KRT39: variants seen among roughly 807,000 people sequenced by gnomAD.
KRT39 encodes the protein keratin 39, also known as keratin, type I cytoskeletal 39.
A neutral mutation model predicts 54.8 loss-of-function variants in KRT39; 47 were observed. The ratio of observed to expected loss-of-function variants is 0.86; its 90% CI spans 0.68 to 1.09. The LOEUF is 1.09. Among genes scored for constraint, KRT39 ranks in the 50% least tolerant of loss-of-function variants. KRT39 has a pLI of 0.00. For synonymous variants in KRT39, 207 were observed against 227.9 expected (o/e 0.91, Z 0.83); for missense variants, 580 against 598.5 (o/e 0.97, Z 0.32).
rs202225236 is a variant in KRT39, at chr17:40,962,543, A to G, written c.729T>C (p.Cys243=). Residue 243 remains cysteine, a synonymous_variant, in exon 4 of 7, where the codon TGT becomes TGC. Coordinates refer to ENST00000355612, the MANE Select transcript of KRT39 (RefSeq NM_213656.4). ...CAATGTCAAGTCTCTCCCCAAGCTGACACTGTAAAGAATTGATTTCCTAAG... is the reference window on the plus strand; with the variant it reads ...CAATGTCAAGTCTCTCCCCAAGCTGGCACTGTAAAGAATTGATTTCCTAAG... ...NHKEEINSLQ[C]QLGERLDIEV... 136 of 1,613,718 alleles carry G rather than the reference A, an allele frequency of 8.4e-5. No homozygotes were observed. Among genetic ancestry groups the G allele is most frequent in the Middle Eastern group, 8.3e-4 (5 of 6,060 alleles).
intron 1 of KRT39, among the ~76,000 whole-genome samples, chr17:40,965,195 C>T (rs1911332382): frequency 7.2e-6 from 1 of 138,814 alleles, no homozygotes; most frequent in Admixed American, 7.1e-5. Flanking sequence ...CAGAGCGAGA[C>T]TCCGTCTCAA....
chr17:40,961,700 A>C (rs1033815033), intron 5 of KRT39, among the ~76,000 whole-genome samples: 7 of 152,174 alleles, frequency 4.6e-5, no homozygotes, highest in African/African-American at 1.7e-4. Context: ...TTGGAGCCTC[A>C]TCTGTAACAT....
rs779733395 is a variant in KRT39 at position 40,966,621 on chromosome 17, C to T, written c.236G>A (p.Arg79His). Reference sequence around the variant, plus strand: ...CCAGCTGCAGTCATCCAGAGAAAAACGGGCATTGAAGTTGTTCATTAGGTA... The same window carrying T: ...CCAGCTGCAGTCATCCAGAGAAAAATGGGCATTGAAGTTGTTCATTAGGTA... ...PIYLMNNFNA[R>H]FSLDDCSWYG... Residue 79 changes from arginine (R) to histidine (H), a missense_variant, in exon 1 of 7, where the codon CGT (arginine) becomes CAT (histidine). Arg to His is a conservative substitution (Grantham distance 29). Coordinates refer to ENST00000355612, the MANE Select transcript of KRT39 (RefSeq NM_213656.4). The T allele has an allele frequency of 2.2e-5, 35 of 1,614,042 alleles. No homozygotes were observed. The highest frequency in any genetic ancestry group is 4.4e-5 in the South Asian group (4 of 91,088).
At chr17:40,964,380 G>A in intron 2 of KRT39, 66 bp downstream of exon 2, 3 of 1,373,322 alleles carry the variant, frequency 2.2e-6, no homozygotes, top group Non-Finnish European at 3.1e-6. Context: ...GGACAATTTT[G>A]TTGAGGGCAT....
chr17:40,960,500 C>T lies in KRT39; in HGVS notation c.998G>A (p.Arg333Lys). The T allele has an allele frequency of 6.2e-7, 1 of 1,611,570 alleles. No homozygotes were observed. The highest frequency in any genetic ancestry group is 8.5e-7 in the Non-Finnish European group (1 of 1,177,674). Residue 333 changes from arginine to lysine, a missense_variant and splice_region_variant, in exon 6 of 7, where the codon AGA (arginine) becomes AAA (lysine). Transcript: ENST00000355612. The stretch of plus-strand genomic sequence containing the variant: ...CGTTAGGATGCACTCTTGGGAATCT[C>T]TCTACCATGGAGAAGGATAGTAGGA... ...EVELQAQHRM[R>K]DSQECILTET...
Position 40,966,918 on chromosome 17 carries a change from A to T in KRT39, c.-62T>A. The T allele has an allele frequency of 3.4e-6, 4 of 1,180,584 alleles. No individual in the cohort carries two copies. Among genetic ancestry groups the T allele is most frequent in the Non-Finnish European group, 3.7e-6 (3 of 800,218 alleles). The allele number at this position is 1,180,584 out of a possible 1,614,324, so 73.1% of individuals were successfully genotyped here. ...GTCACCAGGATGAAAAGCTCAAGCC[A>T]CCTCCACAGAGTCTGAATTCCAAGG... is the stretch of plus-strand genomic sequence containing the variant. On this transcript the variant is annotated 5_prime_UTR_variant, in exon 1 of 7. Transcript: ENST00000355612.
rs755989409 is a variant in KRT39, at chr17:40,960,317, G to A, written c.1181C>T (p.Thr394Ile). 6.2e-7 allele frequency: 1 copy of A among 1,613,562 alleles called. No individual in the cohort carries two copies. The highest frequency in any genetic ancestry group is 8.5e-7 in the Non-Finnish European group (1 of 1,179,968). ...DVKSRLECEI[T>I]TYRSLLESSD... ...GCTCTCCAGAAGGCTGCGGTATGTGGTAATCTCACATTCCAGCCGGGACTT... is the reference window on the plus strand; with the variant it reads ...GCTCTCCAGAAGGCTGCGGTATGTGATAATCTCACATTCCAGCCGGGACTT... The change falls in exon 6 of 7, where the codon ACC becomes ATC. Residue 394 changes from threonine (T) to isoleucine (I), a missense_variant. Coordinates refer to ENST00000355612, the MANE Select transcript of KRT39 (RefSeq NM_213656.4).
At position 40,958,776 on chromosome 17, in the gene KRT39, G is replaced by T. The variant is rs753375559; in HGVS notation, c.1301C>A (p.Pro434Gln). 6.2e-7 allele frequency: 1 copy of T among 1,613,870 alleles called. No individual in the cohort carries two copies. The highest frequency in any genetic ancestry group is 2.2e-5 in the East Asian group (1 of 44,872). Residue 434 changes from proline (P) to glutamine (Q), a missense_variant, in exon 7 of 7, where the codon CCA (proline) becomes CAA (glutamine). Transcript: ENST00000355612. Reference protein sequence around the residue: ...CKSGAIESTAPACTSSSPCSL... With the variant: ...CKSGAIESTAQACTSSSPCSL... The stretch of plus-strand genomic sequence containing the variant: ...GCAGGGGGATGAGGATGTGCAAGCT[G>T]GGGCCGTGCTTTCTATGGCTCCGGA...
At chr17:40,960,546 C>T in intron 5 of KRT39, 45 bp from the exon 6 acceptor site, 1 of 1,435,892 alleles carries the variant, frequency 7.0e-7, no homozygotes, top group African/African-American at 1.4e-5. Context: ...CTCCTTTAAG[C>T]CCAGGTCACC....
chr17:40,963,283 C>A (rs766090759), intron 3 of KRT39, among the ~76,000 whole-genome samples: 8 of 151,984 alleles, frequency 5.3e-5, no homozygotes, highest in Admixed American at 3.9e-4. Flanking sequence ...GGGTGGTGTC[C>A]CCCATGCTGT....
chr17:40,966,849 G>A lies in KRT39; in HGVS notation c.8C>T (p.Thr3Ile). ...AGAATTGGTTGTTGTACAGCCCTTG[G>A]TGTCCATAGTATGTGTCTGGCTTTA... is the stretch of plus-strand genomic sequence containing the variant. MDTKGCTTTNSPS... is the reference protein window; with the variant it reads MDIKGCTTTNSPS... The change falls in exon 1 of 7, where the codon ACC becomes ATC. Residue 3 changes from threonine (T) to isoleucine (I), a missense_variant. Coordinates refer to ENST00000355612, the MANE Select transcript of KRT39 (RefSeq NM_213656.4). 6.2e-7 allele frequency: 1 copy of A among 1,605,896 alleles called. No homozygotes were observed. The highest frequency in any genetic ancestry group is 8.5e-7 in the Non-Finnish European group (1 of 1,175,198).
In KRT39 at chr17:40,960,397, C is replaced by T. The variant is rs201738539; in HGVS notation, c.1101G>A (p.Glu367=). The T allele has an allele frequency of 9.2e-5, 148 of 1,614,142 alleles. 1 individual carries two copies. In the East Asian group the frequency reaches 2.6e-3, roughly 28 times the overall value. The change falls in exon 6 of 7, where the codon GAG becomes GAA. Residue 367 remains glutamate (E), a synonymous_variant. Transcript: ENST00000355612. ...TCTGTCTTTCCAGGGCACACCGGAT[C>T]TCTGCCAGCTGAGCTTCCAGGTTAT... is the stretch of plus-strand genomic sequence containing the variant. ...LIDNLEAQLA[E]IRCALERQNQ...
chr17:40,964,757 T>TTTG (rs1216902514), intron 1 of KRT39, among the ~76,000 whole-genome samples: 1 of 136,832 alleles, frequency 7.3e-6, no homozygotes, highest in African/African-American at 3.2e-5. Context: ...AAGTATTTTT[T>TTTG]TTGTTGTTGT....
chr17:40,962,352 C>T, intron 4 of KRT39, 50 bp downstream of exon 4: 2 of 1,612,040 alleles, frequency 1.2e-6, no homozygotes, highest in Non-Finnish European at 8.5e-7. Flanking sequence ...TTAAAGGGCC[C>T]TAGAAATGCA....
chr17:40,962,914 T>C (rs566489871), intron 3 of KRT39, among the ~76,000 whole-genome samples: 5 of 152,298 alleles, frequency 3.3e-5, no homozygotes, highest in Admixed American at 6.5e-5. Context: ...TGTGCCAATA[T>C]TGACTTGCAC....
intron 3 of KRT39, 46 bp downstream of exon 3, chr17:40,963,581 C>G (rs373514196): frequency 3.3e-6 from 5 of 1,538,334 alleles, no homozygotes; most frequent in Non-Finnish European, 3.5e-6. Context: ...ACTGATGCTA[C>G]TTTTAGGGAC....
Position 40,963,741 on chromosome 17 carries a change from A to G in KRT39, c.594T>C (p.Asp198=), listed in dbSNP as rs1911249649. The G allele has an allele frequency of 6.2e-7, 1 of 1,607,202 alleles. No individual in the cohort carries two copies. The highest frequency in any genetic ancestry group is 8.5e-7 in the Non-Finnish European group (1 of 1,174,486). Residue 198 remains aspartate, a synonymous_variant, in exon 3 of 7, where the codon GAT becomes GAC. Coordinates refer to ENST00000355612, the MANE Select transcript of KRT39 (RefSeq NM_213656.4). ...EVSLRQLVES[D]ANGLKQILNV... is the part of the protein sequence containing the mutation. ...TCAGGATCTGCTTGAGGCCATTGGC[A>G]TCTGACTCTACCAGCTGGCGTAGAG...
chr17:40,960,127 A>G (rs1911076585), intron 6 of KRT39, among the ~76,000 whole-genome samples, 154 bp downstream of exon 6: 1 of 152,186 alleles, frequency 6.6e-6, no homozygotes, highest in Admixed American at 6.5e-5. Context: ...TCCTCATGGC[A>G]CAGCTTGAGA....
chr17:40,964,556 T>G (rs1468615913), intron 1 of KRT39, 28 bp from the exon 2 acceptor site: 1 of 1,460,954 alleles, frequency 6.8e-7, no homozygotes, highest in Non-Finnish European at 9.6e-7. Context: ...TACACACAAA[T>G]GAAGCAAACA....
Sources: allele counts gnomAD v4.1 joint callset (sites outside exome capture counted in the v4.1 genomes callset), GRCh38; gene constraint gnomAD v4.1.1; transcripts MANE v1.5; gene names NCBI Gene and HGNC (gene_info 2026-07-23, HGNC 2026-07-21).